Variants in ACBD5 observed in about 807,000 individuals in gnomAD.
ACBD5 encodes acyl-CoA-binding domain-containing protein 5.
ACBD5 carries 40 observed loss-of-function variants against 71.8 expected under a neutral mutation model. That is an observed-to-expected ratio of 0.56 (90% CI 0.43 to 0.72). The LOEUF (loss-of-function observed/expected upper bound fraction) is 0.72. Ranked by LOEUF, ACBD5 falls within the 30% of genes least tolerant of loss-of-function variation. ACBD5 has a pLI of 0.00. For synonymous variants in ACBD5, 229 were observed against 218.6 expected, an observed-to-expected ratio of 1.05 and a Z score of -0.42; for missense variants, 559 against 644.5, an observed-to-expected ratio of 0.87 and a Z score of 1.44.
At chr10:27,232,609 G>A (rs757459291) in intron 3 of ACBD5, among the ~76,000 whole-genome samples, 12 of 152,076 alleles carry the variant, frequency 7.9e-5, no homozygotes, top group Non-Finnish European at 1.6e-4. Flanking sequence ...TTACAGGGAT[G>A]AGCCACTGCG....
intron 2 of ACBD5, among the ~76,000 whole-genome samples, chr10:27,235,526 T>C (rs1478070694): frequency 1.3e-5 from 2 of 152,182 alleles, no homozygotes; most frequent in African/African-American, 2.4e-5. Context: ...TACTAAAATA[T>C]AGAATAACTA....
At chr10:27,189,781 T>C (rs1163044082) in intron 13 of ACBD5, among the ~76,000 whole-genome samples, 1 of 150,662 alleles carries the variant, frequency 6.6e-6, no homozygotes, top group Admixed American at 6.6e-5. Flanking sequence ...TATATATATA[T>C]ATATATAAAT....
intron 9 of ACBD5, 35 bp downstream of exon 9, chr10:27,210,779 A>G: frequency 6.2e-7 from 1 of 1,613,908 alleles, no homozygotes; most frequent in South Asian, 1.1e-5. Context: ...TAAGTAAATC[A>G]ATAAAGGTGA....
chr10:27,204,383 T>C, intron 12 of ACBD5, 57 bp downstream of exon 12: 2 of 1,305,742 alleles, frequency 1.5e-6, no homozygotes, highest in Non-Finnish European at 2.2e-6. Flanking sequence ...CTGAAAACTC[T>C]GTCTACTATA....
chr10:27,230,005 A>G (rs1380956422), intron 4 of ACBD5, among the ~76,000 whole-genome samples: 3 of 152,154 alleles, frequency 2.0e-5, no homozygotes, highest in Non-Finnish European at 4.4e-5. Context: ...AATTAACACA[A>G]TTGAATAGGA....
intron 3 of ACBD5, 80 bp downstream of exon 3, chr10:27,235,012 T>C: frequency 7.1e-6 from 10 of 1,401,142 alleles, no homozygotes; most frequent in Non-Finnish European, 1.0e-5. Flanking sequence ...CAGAATAATA[T>C]ATAACCACTT....
chr10:27,221,917 C>CAAAAAAAAA (rs56253187), intron 5 of ACBD5, among the ~76,000 whole-genome samples: 34 of 77,102 alleles, frequency 4.4e-4, no homozygotes, highest in Admixed American at 9.7e-4. Context: ...GACTCCATCT[C>CAAAAAAAAA]AAAAAAAAAA....
At chr10:27,185,610 G>A (rs2058662463) in intron 13 of ACBD5, among the ~76,000 whole-genome samples, 2 of 121,596 alleles carry the variant, frequency 1.6e-5, no homozygotes, top group Non-Finnish European at 3.4e-5. Context: ...TCCAGCCTAG[G>A]TGACAGACAA....
chr10:27,220,678 A>T (rs2062222508), intron 5 of ACBD5, among the ~76,000 whole-genome samples: 1 of 152,216 alleles, frequency 6.6e-6, no homozygotes, highest in South Asian at 2.1e-4. Context: ...CATTTCTGCA[A>T]AAATTGACAT....
rs762440079 is a variant in ACBD5, at chr10:27,197,140, G to T, written c.*290C>A. The T allele has an allele frequency of 9.6e-6, 5 of 520,090 alleles. No homozygotes were observed. The highest frequency in any genetic ancestry group is 3.9e-5 in the African/African-American group (2 of 51,738). The allele number at this position is 520,090 out of a possible 1,614,324, so 32.2% of individuals were successfully genotyped here. On this transcript the variant is annotated 3_prime_UTR_variant, in exon 13 of 13. Transcript: ENST00000396271. ...TAATCAGGTAAACATGTTACCAAAT[G>T]ATCATTAATAATTTAATGTCCTTCA... is the stretch of plus-strand genomic sequence containing the variant.
intron 11 of ACBD5, 138 bp downstream of exon 11, chr10:27,205,060 G>A (rs111621130): frequency 0.029 from 21,509 of 753,264 alleles, 363 homozygotes; most frequent in African/African-American, 0.037. Flanking sequence ...CCAGGAGGCA[G>A]AGCTTGCAGT....
At chr10:27,217,677 T>C (rs1457715468) in intron 7 of ACBD5, among the ~76,000 whole-genome samples, 1 of 151,796 alleles carries the variant, frequency 6.6e-6, no homozygotes, top group Non-Finnish European at 1.5e-5. Context: ...TAACTGGGCA[T>C]GATGGTACAT....
At chr10:27,226,828 AT>A (rs2063103858) in intron 4 of ACBD5, among the ~76,000 whole-genome samples, 2 of 150,926 alleles carry the variant, frequency 1.3e-5, no homozygotes, top group Admixed American at 6.6e-5. Context: ...ACTTTTTTGT[AT>A]TTTTAGTAGA....
intron 13 of ACBD5, among the ~76,000 whole-genome samples, chr10:27,188,356 G>T (rs11015593): frequency 0.1 from 15,744 of 152,104 alleles, 2,688 homozygotes; most frequent in African/African-American, 0.36. Context: ...AAAAAAGTTT[G>T]GGAATCAAAC....
rs1284257687 is a variant in ACBD5 at position 27,240,712 on chromosome 10, C to T, written c.-24G>A. On this transcript the variant is annotated 5_prime_UTR_variant, in exon 1 of 13. Transcript: ENST00000396271. The surrounding 1 kb of genome is among the most constrained non-coding windows in gnomAD (Gnocchi z 4.1). ...ATGTCTAGCAGAAGACAGAGGGGGT[C>T]CGGGCATCGGTGGCCGCGGAGCCGC... is the stretch of plus-strand genomic sequence containing the variant. 2.6e-6 allele frequency: 4 copies of T among 1,550,510 alleles called. No individual in the cohort carries two copies. Among genetic ancestry groups the T allele is most frequent in the South Asian group, 1.2e-5 (1 of 84,050 alleles).
chr10:27,189,789 A>ATATATATATAT (rs200900778), intron 13 of ACBD5, among the ~76,000 whole-genome samples: 1 of 147,804 alleles, frequency 6.8e-6, no homozygotes, highest in African/African-American at 2.5e-5. Flanking sequence ...TATATATATA[A>ATATATATATAT]ATAAACTTTT....
intron 4 of ACBD5, among the ~76,000 whole-genome samples, chr10:27,230,098 T>TTA (rs1554858273): frequency 2.8e-5 from 4 of 143,974 alleles, no homozygotes; most frequent in East Asian, 2.0e-4. Flanking sequence ...AAATTTAAGG[T>TTA]AAAAAAAAAA....
chr10:27,209,334 T>C (rs1253771660), intron 9 of ACBD5, among the ~76,000 whole-genome samples: 1 of 151,308 alleles, frequency 6.6e-6, no homozygotes, highest in Non-Finnish European at 1.5e-5. Flanking sequence ...CCAAAGGTAT[T>C]TGTCTGTTTG....
chr10:27,189,419 T>C (rs889155513), intron 13 of ACBD5, among the ~76,000 whole-genome samples: 5 of 152,220 alleles, frequency 3.3e-5, no homozygotes, highest in Non-Finnish European at 7.3e-5. Flanking sequence ...GGTGGGATGA[T>C]TGCTTGAGGC....
Sources: allele counts gnomAD v4.1 joint callset (sites outside exome capture counted in the v4.1 genomes callset), GRCh38; gene constraint gnomAD v4.1.1; non-coding constraint Gnocchi (gnomAD v3.1); transcripts MANE v1.5; gene names NCBI Gene and HGNC (gene_info 2026-07-23, HGNC 2026-07-21).